The following CCDC7 variants were observed in gnomAD, a reference collection of about 807,000 sequenced individuals.
CCDC7 encodes coiled-coil domain containing 7.
Under a neutral mutation model 196.9 loss-of-function variants are expected in CCDC7, and 183 were observed. The ratio of observed to expected loss-of-function variants is 0.93; its 90% confidence interval spans 0.82 to 1.05. CCDC7 has a LOEUF of 1.05. Among genes scored for constraint, CCDC7 ranks in the 50% least tolerant of loss-of-function variants. The pLI, the probability that CCDC7 is intolerant of heterozygous loss-of-function variation, is 0.00. For missense variants in CCDC7, 1,540 were observed against 1,482.2 expected (o/e 1.04, Z -0.64); for synonymous variants, 525 against 484.6 (o/e 1.08, Z -1.10).
chr10:32,820,870 A>T (rs895190047), intron 31 of CCDC7, among the ~76,000 whole-genome samples: 2 of 151,978 alleles, frequency 1.3e-5, no homozygotes, highest in Non-Finnish European at 2.9e-5. Context: ...ACCCTAGAAG[A>T]AAACCTAGGC....
At chr10:32,624,197 A>G (rs1489224206) in intron 18 of CCDC7, among the ~76,000 whole-genome samples, 4 of 152,146 alleles carry the variant, frequency 2.6e-5, no homozygotes, top group East Asian at 3.9e-4. Context: ...CACATTTACC[A>G]TGTTAGTTTA....
rs576655642 is a variant in CCDC7, at chr10:32,575,495, A to T, written c.1454+3602A>T. On this transcript the variant is annotated intron_variant, in intron 16 of 41. Transcript: ENST00000639629. The stretch of plus-strand genomic sequence containing the variant: ...GATTAAGCAAAGCTGGATTCACCAT[A>T]GAAGATGCTCCTGAGAGGAACCCCC... Among the ~76,000 whole-genome samples, 5 of 152,304 alleles carry T rather than the reference A, an allele frequency of 3.3e-5. No individual in the cohort carries two copies. In the South Asian group the frequency reaches 1.0e-3, roughly 32 times the overall value.
At chr10:32,845,299 A>G in exon 34 of CCDC7, 3 of 1,573,998 alleles carry the variant, frequency 1.9e-6, no homozygotes, top group Non-Finnish European at 2.6e-6. Flanking sequence ...AAAGGGATCA[A>G]TCAATGCACA....
intron 33 of CCDC7, among the ~76,000 whole-genome samples, chr10:32,838,613 A>T (rs183299040): frequency 6.6e-6 from 1 of 152,200 alleles, no homozygotes. Flanking sequence ...ATAGACATCC[A>T]AACACAAGAA....
At chr10:32,610,729 A>G (rs1564821057) in intron 18 of CCDC7, among the ~76,000 whole-genome samples, 1 of 152,148 alleles carries the variant, frequency 6.6e-6, no homozygotes, top group Non-Finnish European at 1.5e-5. Context: ...ATCTTCATCC[A>G]TGTAACTGCA....
chr10:32,654,382 C>A (rs76567061), intron 20 of CCDC7, among the ~76,000 whole-genome samples: 2 of 151,936 alleles, frequency 1.3e-5, no homozygotes, highest in African/African-American at 2.4e-5. Flanking sequence ...TGTTTCTGTG[C>A]GTGTCTGATA....
intron 9 of CCDC7, chr10:32,512,061 A>G (rs768548241): frequency 2.9e-5 from 7 of 243,416 alleles, no homozygotes; most frequent in Non-Finnish European, 4.8e-5. Flanking sequence ...TCACCTGTGC[A>G]TATTGAGAAA....
intron 25 of CCDC7, among the ~76,000 whole-genome samples, chr10:32,721,324 T>G (rs940349013): frequency 2.6e-5 from 4 of 152,140 alleles, no homozygotes; most frequent in Admixed American, 6.5e-5. Flanking sequence ...AGAAACCCAA[T>G]GGACACCTCA....
intron 38 of CCDC7, among the ~76,000 whole-genome samples, 170 bp downstream of exon 39, chr10:32,848,086 A>G (rs570976538): frequency 1.3e-5 from 2 of 152,330 alleles, no homozygotes; most frequent in South Asian, 4.1e-4. Flanking sequence ...GAAATTAGCT[A>G]GAAAGTTTTA....
chr10:32,481,530 C>T (rs1338992341), intron 8 of CCDC7, among the ~76,000 whole-genome samples: 1 of 151,116 alleles, frequency 6.6e-6, no homozygotes. Flanking sequence ...TGTTTTTTAC[C>T]CTTTATTCTG....
In CCDC7 at chr10:32,869,689, T is replaced by C. The variant is rs186887133; in HGVS notation, c.4112-6658T>C. On this transcript the variant is annotated intron_variant, in intron 41 of 41. Coordinates refer to ENST00000639629, the Ensembl canonical transcript of CCDC7. ...CCTAGGTTTCCTTCTAGGGTTTTTA[T>C]GGGTTTAGGTCTAACATTTAGGTCT... Among the ~76,000 whole-genome samples, 301 of 152,334 alleles carry C rather than the reference T, an allele frequency of 2.0e-3. 1 individual carries two copies. The highest frequency in any genetic ancestry group is 6.8e-3 in the Middle Eastern group (2 of 294).
chr10:32,547,598 A>T (rs116727156), intron 13 of CCDC7, among the ~76,000 whole-genome samples: 8,030 of 152,046 alleles, frequency 0.053, 699 homozygotes, highest in African/African-American at 0.18. Context: ...TTAAAAAAAA[A>T]TTTATTTTTA....
chr10:32,489,815 A>G (rs941349655), intron 8 of CCDC7, among the ~76,000 whole-genome samples: 1 of 152,088 alleles, frequency 6.6e-6, no homozygotes, highest in African/African-American at 2.4e-5. Context: ...GCGTGATCCA[A>G]CGTTCAAGCC....
intron 18 of CCDC7, among the ~76,000 whole-genome samples, chr10:32,621,216 A>T (rs1404380328): frequency 6.6e-6 from 1 of 152,186 alleles, no homozygotes; most frequent in Admixed American, 6.5e-5. Flanking sequence ...TGTGATATAG[A>T]TGCTTTCATG....
At chr10:32,591,610 T>C (rs1477265848) in intron 18 of CCDC7, among the ~76,000 whole-genome samples, 3 of 152,064 alleles carry the variant, frequency 2.0e-5, no homozygotes, top group Non-Finnish European at 2.9e-5. Context: ...TATTAATAGA[T>C]ACACAAAAAA....
At chr10:32,756,108 G>A (rs1221915620) in intron 28 of CCDC7, among the ~76,000 whole-genome samples, 1 of 152,166 alleles carries the variant, frequency 6.6e-6, no homozygotes, top group Non-Finnish European at 1.5e-5. Context: ...GGGACTATGG[G>A]AAAAGACCAA....
chr10:32,507,139 C>T (rs7070598), intron 9 of CCDC7, among the ~76,000 whole-genome samples: 20,385 of 151,814 alleles, frequency 0.13, 1,606 homozygotes, highest in African/African-American at 0.22. Flanking sequence ...ACTACAAGTG[C>T]GCGCCACCAC....
chr10:32,741,490 T>C (rs1409560376), intron 28 of CCDC7, among the ~76,000 whole-genome samples: 2 of 152,184 alleles, frequency 1.3e-5, no homozygotes, highest in African/African-American at 4.8e-5. Flanking sequence ...AGTCAAGTCC[T>C]GTAGTTGGCC....
At chr10:32,816,685 C>A (rs556087606) in intron 31 of CCDC7, among the ~76,000 whole-genome samples, 1 of 152,104 alleles carries the variant, frequency 6.6e-6, no homozygotes, top group African/African-American at 2.4e-5. Flanking sequence ...CACCAATATC[C>A]GCTGTTCTGC....
Sources: allele counts gnomAD v4.1 joint callset (sites outside exome capture counted in the v4.1 genomes callset), GRCh38; gene constraint gnomAD v4.1.1; transcripts MANE v1.5; gene names NCBI Gene and HGNC (gene_info 2026-07-23, HGNC 2026-07-21).